Variants in PCDHGA8 observed in about 807,000 individuals in gnomAD.
PCDHGA8 encodes protocadherin gamma-A8.
A neutral mutation model predicts 59.2 loss-of-function variants in PCDHGA8; 45 were observed. The observed-to-expected ratio is 0.76, with a 90% CI of 0.60 to 0.98. PCDHGA8 has a LOEUF of 0.98. PCDHGA8 is among the 50% of genes least tolerant of loss of function. The probability of loss-of-function intolerance (pLI) is 0.00; values close to 1 mark genes in which losing one functional copy is unlikely to be tolerated. For synonymous variants in PCDHGA8, 531 were observed against 519.0 expected (o/e 1.02, Z -0.32); for missense variants, 1,257 against 1,196.2 (o/e 1.05, Z -0.75).
chr5:141,472,307 C>T (rs949288194), intron 1 of PCDHGA8, among the ~76,000 whole-genome samples: 2 of 150,368 alleles, frequency 1.3e-5, no homozygotes, highest in Admixed American at 6.6e-5. Flanking sequence ...TTTGGGAAGC[C>T]GAGGCAGGCA....
intron 1 of PCDHGA8, among the ~76,000 whole-genome samples, chr5:141,480,704 G>A (rs545986902): frequency 8.5e-5 from 13 of 152,206 alleles, no homozygotes; most frequent in East Asian, 5.8e-4. Flanking sequence ...GCCACACCCC[G>A]ACAAATGAAA....
intron 1 of PCDHGA8, chr5:141,414,230 CCAT>C: frequency 6.2e-7 from 1 of 1,613,308 alleles, no homozygotes; most frequent in Non-Finnish European, 8.5e-7. Context: ...CCAGAGCTGA[CCAT>C]CACGTCTCTA....
At chr5:141,421,444 A>T in intron 1 of PCDHGA8, 1 of 1,614,020 alleles carries the variant, frequency 6.2e-7, no homozygotes, top group Non-Finnish European at 8.5e-7. Flanking sequence ...CAGAGGGAAG[A>T]CACAGCTTTT....
intron 1 of PCDHGA8, chr5:141,403,720 C>G (rs1266419119): frequency 1.2e-6 from 2 of 1,613,874 alleles, no homozygotes; most frequent in Middle Eastern, 1.6e-4. Context: ...AGAACGTGCC[C>G]CCAGGCACCT....
Position 141,393,020 on chromosome 5 carries a change from A to G in PCDHGA8, c.207A>G (p.Arg69=). ...LAKHGVRIVS[R]GRTQLFALNP... ...AGCACGGAGTCCGTATCGTCTCCAGAGGTAGGACGCAGCTCTTTGCTCTGA... is the reference window on the plus strand; with the variant it reads ...AGCACGGAGTCCGTATCGTCTCCAGGGGTAGGACGCAGCTCTTTGCTCTGA... Residue 69 remains arginine, a synonymous_variant, in exon 1 of 4, where the codon AGA becomes AGG. Coordinates refer to ENST00000398604, the MANE Select transcript of PCDHGA8 (RefSeq NM_032088.2). 4 of 1,613,760 alleles carry G rather than the reference A, an allele frequency of 2.5e-6. No individual in the cohort carries two copies. Among genetic ancestry groups the G allele is most frequent in the Non-Finnish European group, 3.4e-6 (4 of 1,179,866 alleles).
Position 141,476,387 on chromosome 5 carries a change from C to G in PCDHGA8, c.2425-18420C>G, listed in dbSNP as rs147660262. Reference sequence around the variant, plus strand: ...GACCGGAGAGATGTTTGTGAACGACCGTCTGGATCGAGAGGAGCTGTGTGG... The same window carrying G: ...GACCGGAGAGATGTTTGTGAACGACGGTCTGGATCGAGAGGAGCTGTGTGG... On this transcript the variant is annotated intron_variant, in intron 1 of 3. Coordinates refer to ENST00000398604, the MANE Select transcript of PCDHGA8 (RefSeq NM_032088.2). The surrounding 1 kb of genome is among the most constrained non-coding windows in gnomAD (Gnocchi z 7.6). 3.6e-4 allele frequency: 587 copies of G among 1,614,076 alleles called. No individual in the cohort carries two copies. The highest frequency in any genetic ancestry group is 4.7e-4 in the Non-Finnish European group (549 of 1,180,024).
intron 1 of PCDHGA8, chr5:141,408,124 G>A: frequency 1.4e-6 from 2 of 1,478,862 alleles, no homozygotes; most frequent in Non-Finnish European, 1.8e-6. Context: ...CCTGTCCTGG[G>A]CCGAATGCTC....
intron 1 of PCDHGA8, chr5:141,408,637 T>C (rs766685548): frequency 4.3e-6 from 7 of 1,614,044 alleles, no homozygotes; most frequent in Non-Finnish European, 5.9e-6. Context: ...TTTTCGAATC[T>C]GCATCCGCTG....
At chr5:141,400,856 A>G (rs1026499885) in intron 1 of PCDHGA8, among the ~76,000 whole-genome samples, 6 of 152,192 alleles carry the variant, frequency 3.9e-5, no homozygotes, top group Non-Finnish European at 8.8e-5. Context: ...ATTTTATTGT[A>G]TGTAGATAAA....
At position 141,404,162 on chromosome 5, in the gene PCDHGA8, T is replaced by C. The variant is rs768188662; in HGVS notation, c.2424+8925T>C. The C allele has an allele frequency of 2.0e-5, 33 of 1,613,076 alleles. No homozygotes were observed. In the East Asian group the frequency reaches 7.4e-4, roughly 36 times the overall value. ...AAATTCAGAAGAAGATTATTACAGA[T>C]TGTTGACGGCCCAAATTCTTGACCG... On this transcript the variant is annotated intron_variant, in intron 1 of 3. Transcript: ENST00000398604.
intron 3 of PCDHGA8, among the ~76,000 whole-genome samples, chr5:141,508,646 G>A (rs1434098773): frequency 2.6e-5 from 4 of 152,014 alleles, no homozygotes; most frequent in African/African-American, 9.7e-5. Flanking sequence ...ACTCCGTCAG[G>A]CCCTTCCTGT....
intron 1 of PCDHGA8, among the ~76,000 whole-genome samples, chr5:141,459,324 T>G (rs2098966238): frequency 6.6e-6 from 1 of 152,226 alleles, no homozygotes; most frequent in African/African-American, 2.4e-5. Flanking sequence ...ATCCATCTTC[T>G]TTTACTCCAA....
intron 1 of PCDHGA8, among the ~76,000 whole-genome samples, chr5:141,406,273 G>C (rs1366399912): frequency 6.6e-6 from 1 of 151,898 alleles, no homozygotes; most frequent in Non-Finnish European, 1.5e-5. Context: ...TCCTGCTTCA[G>C]TTTCCCAAAG....
In PCDHGA8 at chr5:141,486,407, C is replaced by A; in HGVS notation, c.2425-8400C>A. The A allele has an allele frequency of 6.2e-7, 1 of 1,614,134 alleles. No homozygotes were observed. The highest frequency in any genetic ancestry group is 8.5e-7 in the Non-Finnish European group (1 of 1,180,000). On this transcript the variant is annotated intron_variant, in intron 1 of 3. Transcript: ENST00000398604. This position sits in a 1 kb window ranked among gnomAD's most constrained non-coding sequence, Gnocchi z 5.0. Reference sequence around the variant, plus strand: ...CCAGTTCTCCCTGGTGACTGCTGGACCCTTGGATCGAGAGGCCAAATCTAG... The same window carrying A: ...CCAGTTCTCCCTGGTGACTGCTGGAACCTTGGATCGAGAGGCCAAATCTAG...
chr5:141,469,918 G>T (rs2099215604), intron 1 of PCDHGA8, among the ~76,000 whole-genome samples: 2 of 152,148 alleles, frequency 1.3e-5, no homozygotes, highest in African/African-American at 4.8e-5. Context: ...ACCACCCGAG[G>T]TCAGGAGTTT....
intron 1 of PCDHGA8, among the ~76,000 whole-genome samples, chr5:141,442,910 C>G (rs1419319938): frequency 6.6e-6 from 1 of 152,196 alleles, no homozygotes; most frequent in African/African-American, 2.4e-5. Flanking sequence ...TCCTTCAGCA[C>G]ACAACTGTTT....
rs2099697598 is a variant in PCDHGA8 at position 141,490,236 on chromosome 5, C to T, written c.2425-4571C>T. On this transcript the variant is annotated intron_variant, in intron 1 of 3. Coordinates refer to ENST00000398604, the MANE Select transcript of PCDHGA8 (RefSeq NM_032088.2). This position sits in a 1 kb window ranked among gnomAD's most constrained non-coding sequence, Gnocchi z 5.4. ...ACCAGGGACAGCCTGCCATGGAGGG[C>T]CACTGTGTGATTCAAGTGGATGTGG... is the stretch of plus-strand genomic sequence containing the variant. 1 of 1,614,078 alleles carries T rather than the reference C, an allele frequency of 6.2e-7. No homozygotes were observed. The highest frequency in any genetic ancestry group is 1.1e-5 in the South Asian group (1 of 91,088).
Position 141,432,076 on chromosome 5 carries a change from G to T in PCDHGA8, c.2424+36839G>T. ...CCCTATCCACGGAAACTCATATCTC[G>T]CTGAACGTGGCAGACACCAACGACA... On this transcript the variant is annotated intron_variant, in intron 1 of 3. Transcript: ENST00000398604. This position sits in a 1 kb window ranked among gnomAD's most constrained non-coding sequence, Gnocchi z 6.0. 1.2e-6 allele frequency: 2 copies of T among 1,614,160 alleles called. No homozygotes were observed. Among genetic ancestry groups the T allele is most frequent in the Non-Finnish European group, 1.7e-6 (2 of 1,180,024 alleles).
intron 1 of PCDHGA8, chr5:141,409,346 G>A (rs573212606): frequency 4.3e-6 from 7 of 1,613,998 alleles, no homozygotes; most frequent in South Asian, 2.2e-5. Context: ...AAATGGAGAA[G>A]TCAGGTGTAA....
Sources: gnomAD v4.1 joint callset for allele counts (sites outside exome capture counted in the v4.1 genomes callset) on GRCh38, gnomAD v4.1.1 for gene constraint, Gnocchi (gnomAD v3.1) non-coding constraint, MANE v1.5 for transcripts, NCBI Gene and HGNC (gene_info 2026-07-23, HGNC 2026-07-21) for gene names.